DNM2: variants seen among roughly 807,000 people sequenced by gnomAD.
The protein encoded by DNM2 is dynamin-2.
Under a neutral mutation model 99.0 loss-of-function variants are expected in DNM2, and 15 were observed. The observed-to-expected ratio is 0.15, with a 90% CI of 0.10 to 0.23. The LOEUF is 0.23. DNM2 is among the 10% of genes least tolerant of loss of function. The pLI is 1.00. For missense variants in DNM2, 742 were observed against 1,189.4 expected, an observed-to-expected ratio of 0.62 and a Z score of 5.53; for synonymous variants, 525 against 481.2, an observed-to-expected ratio of 1.09 and a Z score of -1.19.
rs1282099507 is a variant in DNM2 at position 10,772,432 on chromosome 19, C to G, written c.236-47C>G. ...TTTCTCCCCGCAGTCCATGCGCACC[C>G]TGCCCACAGCTCTTTCTCATTTTCA... is the stretch of plus-strand genomic sequence containing the variant. On this transcript the variant is annotated intron_variant, in intron 2 of 20. Coordinates refer to ENST00000389253, the MANE Select transcript of DNM2 (RefSeq NM_001005361.3). The surrounding 1 kb of genome is among the most constrained non-coding windows in gnomAD (Gnocchi z 4.9). The G allele has an allele frequency of 1.2e-6, 2 of 1,611,342 alleles. No homozygotes were observed. Among genetic ancestry groups the G allele is most frequent in the Non-Finnish European group, 1.7e-6 (2 of 1,179,620 alleles).
chr19:10,773,733 G>T (rs1159585748), intron 3 of DNM2, among the ~76,000 whole-genome samples: 1 of 151,642 alleles, frequency 6.6e-6, no homozygotes, highest in African/African-American at 2.4e-5. Flanking sequence ...CTCCCAAAGT[G>T]CTAGGATTAC....
chr19:10,727,960 G>A (rs1483043104), intron 1 of DNM2, among the ~76,000 whole-genome samples: 1 of 152,276 alleles, frequency 6.6e-6, no homozygotes, highest in South Asian at 2.1e-4. Flanking sequence ...GATATTTATA[G>A]GGCATTAGCT....
At chr19:10,760,826 G>GGTTTTTTTTTTTTTT (rs1568284526) in intron 2 of DNM2, among the ~76,000 whole-genome samples, 2 of 4,956 alleles carry the variant, frequency 4.0e-4, no homozygotes, top group Non-Finnish European at 7.9e-4. Flanking sequence ...ACACCCAGCT[G>GGTTTTTTTTTTTTTT]ATTTTTTTTT....
At chr19:10,798,382 T>TTAAAAA in intron 10 of DNM2, 104 bp from the exon 11 acceptor site, 5 of 796,208 alleles carry the variant, frequency 6.3e-6, no homozygotes, top group South Asian at 2.9e-5. Flanking sequence ...GGCCCCCTCA[T>TTAAAAA]ATCTCATTCC....
In DNM2 at chr19:10,775,580, C is replaced by G. The variant is rs1449888711; in HGVS notation, c.386-123C>G. 6 of 1,053,100 alleles carry G rather than the reference C, an allele frequency of 5.7e-6. No homozygotes were observed. The African/African-American group carries it at 6.2e-5, about 11-fold the overall frequency. 65.2% of individuals were successfully genotyped at this position (1,053,100 alleles called of 1,614,324 possible). ...CAAAGGTGTGGTTCAGGCAGAGTGT[C>G]AGGCGACATCCTCAAGTCTGAGCCC... On this transcript the variant is annotated intron_variant, in intron 3 of 20. Transcript: ENST00000389253. The surrounding 1 kb of genome is among the most constrained non-coding windows in gnomAD (Gnocchi z 4.3).
At chr19:10,782,483 C>T (rs981743726) in intron 5 of DNM2, among the ~76,000 whole-genome samples, 3 of 151,962 alleles carry the variant, frequency 2.0e-5, no homozygotes, top group East Asian at 1.9e-4. Context: ...CTCAGCCTCC[C>T]GAGTACCTGG....
chr19:10,830,901 C>A lies in DNM2; in HGVS notation c.2544-77C>A. The stretch of plus-strand genomic sequence containing the variant: ...GGTGGTGTGTGGGTGGGGGCTGGGT[C>A]CTCAACCCAGGCCTGCCTCTTGCTC... On this transcript the variant is annotated intron_variant, in intron 20 of 20. Transcript: ENST00000389253. This position sits in a 1 kb window ranked among gnomAD's most constrained non-coding sequence, Gnocchi z 4.8. The A allele has an allele frequency of 6.6e-7, 1 of 1,511,692 alleles. No individual in the cohort carries two copies. Among genetic ancestry groups the A allele is most frequent in the Non-Finnish European group, 8.9e-7 (1 of 1,119,362 alleles). 93.6% of individuals were successfully genotyped at this position (1,511,692 alleles called of 1,614,324 possible). A position where few individuals can be genotyped will look rare whatever the true frequency, so the allele number is the denominator to read the frequency against.
intron 1 of DNM2, among the ~76,000 whole-genome samples, chr19:10,719,596 A>G (rs1264040798): frequency 6.6e-6 from 1 of 151,262 alleles, no homozygotes; most frequent in African/African-American, 2.4e-5. Context: ...CCTCCCACCA[A>G]CCCCTCTTGC....
chr19:10,786,383 C>G, intron 6 of DNM2, 181 bp from the exon 7 acceptor site: 1 of 1,029,884 alleles, frequency 9.7e-7, no homozygotes, highest in Non-Finnish European at 1.5e-6. Context: ...CGTGCCGTCT[C>G]CGTTCCCAGA....
chr19:10,768,626 G>A (rs1212845808), intron 2 of DNM2: 5 of 152,298 alleles, frequency 3.3e-5, no homozygotes, highest in African/African-American at 9.6e-5. Flanking sequence ...GCGGACTTGG[G>A]TGGGGCAGGT....
rs1329517781 is a variant in DNM2 at position 10,802,362 on chromosome 19, G to A, written c.1493+4G>A. 7 of 1,614,036 alleles carry A rather than the reference G, an allele frequency of 4.3e-6. No homozygotes were observed. Among genetic ancestry groups the A allele is most frequent in the Non-Finnish European group, 5.9e-6 (7 of 1,180,028 alleles). Reference sequence around the variant, plus strand: ...AGGACTTCATCGGGTTTGCCAAGTAGGTACTTTTAGAGACTGGCTGGTCGG... The same window carrying A: ...AGGACTTCATCGGGTTTGCCAAGTAAGTACTTTTAGAGACTGGCTGGTCGG... On this transcript the variant is annotated splice_donor_region_variant and intron_variant, in intron 12 of 20. Transcript: ENST00000389253.
chr19:10,761,791 G>A (rs190912499), intron 2 of DNM2, among the ~76,000 whole-genome samples: 53 of 152,220 alleles, frequency 3.5e-4, no homozygotes, highest in African/African-American at 1.0e-3. Flanking sequence ...CTCTGGCCCC[G>A]CCCAACCTGG....
At chr19:10,723,587 A>G (rs2069014169) in intron 1 of DNM2, among the ~76,000 whole-genome samples, 2 of 152,194 alleles carry the variant, frequency 1.3e-5, no homozygotes, top group African/African-American at 4.8e-5. Flanking sequence ...TTAAAATAGG[A>G]GTTATAATAG....
chr19:10,757,372 C>G (rs558653217), intron 1 of DNM2, among the ~76,000 whole-genome samples: 7 of 152,186 alleles, frequency 4.6e-5, no homozygotes, highest in African/African-American at 1.4e-4. Flanking sequence ...ACATCTCCCC[C>G]CCGACGCCAG....
intron 1 of DNM2, among the ~76,000 whole-genome samples, chr19:10,723,429 G>A (rs2069007733): frequency 6.6e-6 from 1 of 151,936 alleles, no homozygotes. Context: ...CACCGTGCCC[G>A]GCTAATTTTT....
At chr19:10,733,373 G>C (rs1057443450) in intron 1 of DNM2, among the ~76,000 whole-genome samples, 2 of 148,088 alleles carry the variant, frequency 1.4e-5, no homozygotes, top group African/African-American at 5.0e-5. Flanking sequence ...TTTTATTTTC[G>C]GTAGAGACAG....
At chr19:10,732,336 C>T (rs1346144962) in intron 1 of DNM2, among the ~76,000 whole-genome samples, 1 of 147,860 alleles carries the variant, frequency 6.8e-6, no homozygotes, top group African/African-American at 2.5e-5. Flanking sequence ...GGCGGTGGCT[C>T]ATGCCTGTAA....
At chr19:10,766,705 C>G (rs1327481563) in intron 2 of DNM2, among the ~76,000 whole-genome samples, 1 of 152,046 alleles carries the variant, frequency 6.6e-6, no homozygotes. Flanking sequence ...GGCAGAACCT[C>G]TCTCTGGAAA....
Position 10,786,716 on chromosome 19 carries a change from C to T in DNM2, c.992+10C>T. ...CCAAAGCCCTGCTGCAGTATGTACC[C>T]CGGCACCCACCACCACCACCACCCT... On this transcript the variant is annotated intron_variant, in intron 7 of 20. Transcript: ENST00000389253. 3 of 1,614,052 alleles carry T rather than the reference C, an allele frequency of 1.9e-6. No homozygotes were observed. Among genetic ancestry groups the T allele is most frequent in the Non-Finnish European group, 2.5e-6 (3 of 1,180,004 alleles).
Sources: gnomAD v4.1 joint callset for allele counts (sites outside exome capture counted in the v4.1 genomes callset) on GRCh38, gnomAD v4.1.1 for gene constraint, Gnocchi (gnomAD v3.1) non-coding constraint, MANE v1.5 for transcripts, NCBI Gene and HGNC (gene_info 2026-07-23, HGNC 2026-07-21) for gene names.